DHX38: variants seen among roughly 807,000 people sequenced by gnomAD.
The protein encoded by DHX38 is DEAH-box helicase 38.
Under a neutral mutation model 153.1 loss-of-function variants are expected in DHX38, and 100 were observed. The ratio of observed to expected loss-of-function variants is 0.65; its 90% CI spans 0.56 to 0.77. DHX38 has a LOEUF of 0.77. DHX38 is among the 30% of genes least tolerant of loss of function. The pLI, the probability that DHX38 is intolerant of heterozygous loss-of-function variation, is 0.00. For missense variants in DHX38, 1,440 were observed against 1,654.0 expected (o/e 0.87, Z 2.24); for synonymous variants, 650 against 631.7 (o/e 1.03, Z -0.43).
chr16:72,101,471 T>C, intron 10 of DHX38, 29 bp from the exon 11 acceptor site: 1 of 1,541,984 alleles, frequency 6.5e-7, no homozygotes, highest in Non-Finnish European at 8.8e-7. Flanking sequence ...TGTGGCAGGA[T>C]GGAGCAGACT....
At chr16:72,094,979 G>C (rs2041989714) in intron 1 of DHX38, among the ~76,000 whole-genome samples, 1 of 152,050 alleles carries the variant, frequency 6.6e-6, no homozygotes, top group East Asian at 1.9e-4. Context: ...CTTTTTTTCT[G>C]TTCTGCCTGA....
chr16:72,095,706 T>G (rs1403115102), intron 1 of DHX38, among the ~76,000 whole-genome samples: 1 of 152,234 alleles, frequency 6.6e-6, no homozygotes, highest in African/African-American at 2.4e-5. Flanking sequence ...GATTAAGTTA[T>G]TTGCTTACCA....
Position 72,105,500 on chromosome 16 carries a change from T to C in DHX38, c.2380-17T>C, listed in dbSNP as rs376605144. On this transcript the variant is annotated splice_polypyrimidine_tract_variant and intron_variant, in intron 17 of 26. Coordinates refer to ENST00000268482, the MANE Select transcript of DHX38 (RefSeq NM_014003.4). The stretch of plus-strand genomic sequence containing the variant: ...CTCGAGGGACTCATTTTTCCCTTCC[T>C]GTATGTCCTGCTCTAGGCTCCAGAT... 2.6e-4 allele frequency: 418 copies of C among 1,613,874 alleles called. 1 individual carries two copies. The highest frequency in any genetic ancestry group is 3.5e-4 in the Non-Finnish European group (409 of 1,179,904).
At chr16:72,099,387 C>T (rs913562736) in intron 7 of DHX38, 107 bp downstream of exon 7, 3 of 1,021,438 alleles carry the variant, frequency 2.9e-6, no homozygotes, top group African/African-American at 3.2e-5. Flanking sequence ...GAGCCCTGTT[C>T]AGACCCAATG....
chr16:72,099,183 C>T, intron 6 of DHX38, 21 bp from the exon 7 acceptor site: 2 of 1,602,726 alleles, frequency 1.2e-6, no homozygotes, highest in Non-Finnish European at 1.7e-6. Flanking sequence ...ATGGACTGAC[C>T]TGCTTCCTGT....
At chr16:72,098,452 A>G (rs765704538) in intron 4 of DHX38, among the ~76,000 whole-genome samples, 193 bp from the exon 5 acceptor site, 4 of 152,186 alleles carry the variant, frequency 2.6e-5, no homozygotes, top group African/African-American at 9.7e-5. Context: ...AAAAAAGGAA[A>G]AATACATCCT....
chr16:72,098,561 G>A, intron 4 of DHX38, 84 bp from the exon 5 acceptor site: 1 of 1,525,060 alleles, frequency 6.6e-7, no homozygotes, highest in South Asian at 1.2e-5. Flanking sequence ...GAGTAAATTT[G>A]GGGAATTGAC....
intron 7 of DHX38, 118 bp downstream of exon 7, chr16:72,099,398 C>A (rs945083247): frequency 3.2e-6 from 3 of 930,210 alleles, no homozygotes; most frequent in Non-Finnish European, 4.8e-6. Context: ...AGACCCAATG[C>A]CCTGGAGTCT....
intron 13 of DHX38, 38 bp downstream of exon 13, chr16:72,103,826 C>A (rs749046023): frequency 1.9e-6 from 3 of 1,598,578 alleles, no homozygotes; most frequent in Non-Finnish European, 2.6e-6. Flanking sequence ...TAGTTATTCC[C>A]TAGTAGCTTC....
At chr16:72,097,847 G>A (rs1045843478) in intron 4 of DHX38, 66 bp downstream of exon 4, 29 of 1,237,028 alleles carry the variant, frequency 2.3e-5, no homozygotes, top group East Asian at 1.3e-4. Flanking sequence ...AGTGACTCTC[G>A]TCTTCAGTGA....
rs2042014005 is a variant in DHX38, at chr16:72,096,144, T to A, written c.-14T>A. ...ATGGTTTGCCTTCCTTCCAGAGAAA[T>A]CCCAGATCCTGTGATGGGGGACACC... On this transcript the variant is annotated 5_prime_UTR_variant, in exon 2 of 27. Transcript: ENST00000268482. 6.3e-7 allele frequency: 1 copy of A among 1,585,448 alleles called. No individual in the cohort carries two copies. The highest frequency in any genetic ancestry group is 1.1e-5 in the South Asian group (1 of 88,176).
chr16:72,109,075 TG>T, intron 24 of DHX38, 150 bp downstream of exon 24: 1 of 1,219,332 alleles, frequency 8.2e-7, no homozygotes, highest in Non-Finnish European at 1.1e-6. Context: ...GGTTTTCATT[TG>T]GGGACTTGGG....
In DHX38 at chr16:72,105,349, G is replaced by T; in HGVS notation, c.2379+1G>T. On this transcript the variant is annotated splice_donor_variant, in intron 17 of 26. Transcript: ENST00000268482. LOFTEE classifies it high-confidence loss of function. The stretch of plus-strand genomic sequence containing the variant: ...CCTCCAGGCCAAAATCTTCCAGAAG[G>T]TGTGTCAGCAGGAATGTCCAGGAGT... 2 of 1,614,084 alleles carry T rather than the reference G, an allele frequency of 1.2e-6. No homozygotes were observed. The highest frequency in any genetic ancestry group is 1.7e-6 in the Non-Finnish European group (2 of 1,179,948).
At chr16:72,109,963 T>A (rs1007546277) in intron 25 of DHX38, among the ~76,000 whole-genome samples, 7 of 152,216 alleles carry the variant, frequency 4.6e-5, no homozygotes, top group African/African-American at 1.7e-4. Flanking sequence ...ATATAACCTC[T>A]GTGCCGTTAT....
intron 4 of DHX38, 85 bp from the exon 5 acceptor site, chr16:72,098,560 T>C: frequency 6.6e-7 from 1 of 1,526,196 alleles, no homozygotes; most frequent in South Asian, 1.2e-5. Context: ...GGAGTAAATT[T>C]GGGGAATTGA....
rs1378741308 is a variant in DHX38, at chr16:72,105,058, T to A, written c.2183T>A (p.Val728Glu). 1 of 1,614,180 alleles carries A rather than the reference T, an allele frequency of 6.2e-7. No homozygotes were observed. The highest frequency in any genetic ancestry group is 1.3e-5 in the African/African-American group (1 of 75,048). Residue 728 changes from valine (V) to glutamate (E), a missense_variant, in exon 16 of 27, where the codon GTG becomes GAG. This residue lies in a region of DHX38 where 543 missense variants were observed against 717.9 expected (regional missense o/e 0.76). Transcript: ENST00000268482. ...CAGGAGGATTACGTGGAGGCTGCAG[T>A]GAAGCAGTCCTTGCAGGTGCACCTG... ...TPQEDYVEAAVKQSLQVHLSG... is the reference protein window; with the variant it reads ...TPQEDYVEAAEKQSLQVHLSG...
At chr16:72,097,573 G>T in intron 3 of DHX38, 104 bp from the exon 4 acceptor site, 1 of 1,055,858 alleles carries the variant, frequency 9.5e-7, no homozygotes, top group East Asian at 2.6e-5. Flanking sequence ...AGCAGTGCAG[G>T]TTGCACCTGT....
rs201640902 is a variant in DHX38 at position 72,096,985 on chromosome 16, G to T, written c.487G>T (p.Asp163Tyr). Residue 163 changes from aspartate to tyrosine, a missense_variant, in exon 3 of 27, where the codon GAC (aspartate) becomes TAC (tyrosine). Coordinates refer to ENST00000268482, the MANE Select transcript of DHX38 (RefSeq NM_014003.4). ...DWKKEKSRDR[D>Y]YDRKRDRDER... ...GAAGAAGGAGAAATCGCGGGATCGAGACTATGACCGCAAGAGGGACAGAGG... is the reference window on the plus strand; with the variant it reads ...GAAGAAGGAGAAATCGCGGGATCGATACTATGACCGCAAGAGGGACAGAGG... The T allele has an allele frequency of 1.8e-4, 296 of 1,613,984 alleles. 2 individuals carry two copies. The Middle Eastern group carries it at 6.8e-3, about 37-fold the overall frequency.
chr16:72,112,174 T>C, intron 26 of DHX38: 1 of 569,294 alleles, frequency 1.8e-6, no homozygotes, highest in Non-Finnish European at 3.2e-6. Context: ...CTAGGGACTG[T>C]GGGAGGAGTT....
Sources: gnomAD v4.1 joint callset for allele counts (sites outside exome capture counted in the v4.1 genomes callset) on GRCh38, gnomAD v4.1.1 for gene constraint, gnomAD v4.1.1 regional missense constraint, MANE v1.5 for transcripts, NCBI Gene and HGNC (gene_info 2026-07-23, HGNC 2026-07-21) for gene names.